The following FOCAD variants were observed in gnomAD, a reference collection of about 807,000 sequenced individuals.
FOCAD encodes the protein focadhesin.
Under a neutral mutation model 225.6 loss-of-function variants are expected in FOCAD, and 198 were observed. That is an observed-to-expected ratio of 0.88 (90% CI 0.78 to 0.99). The LOEUF (loss-of-function observed/expected upper bound fraction) is 0.99, where lower values mean the gene tolerates loss of function less well. Among genes scored for constraint, FOCAD ranks in the 50% least tolerant of loss-of-function variants. The pLI is 0.00. For synonymous variants in FOCAD, 897 were observed against 755.0 expected (o/e 1.19, Z -3.08); for missense variants, 2,713 against 2,123.6 (o/e 1.28, Z -5.46).
At chr9:20,974,228 T>C (rs202098434) in intron 35 of FOCAD, among the ~76,000 whole-genome samples, 3,009 of 107,882 alleles carry the variant, frequency 0.028, no homozygotes, top group East Asian at 0.049. Context: ...TTCTCCTTTT[T>C]CCTGTGCTTC....
At chr9:20,785,579 A>G (rs1216459368) in intron 10 of FOCAD, among the ~76,000 whole-genome samples, 8 of 152,138 alleles carry the variant, frequency 5.3e-5, no homozygotes, top group African/African-American at 1.9e-4. Context: ...AGCATGTGCC[A>G]TGTAGCAGTG....
At chr9:20,844,311 A>T (rs1191284617) in intron 15 of FOCAD, among the ~76,000 whole-genome samples, 1 of 148,648 alleles carries the variant, frequency 6.7e-6, no homozygotes, top group Non-Finnish European at 1.5e-5. Context: ...CTGTAATGAG[A>T]TAAAGGGCAG....
intron 15 of FOCAD, among the ~76,000 whole-genome samples, chr9:20,840,579 G>A (rs1372634745): frequency 6.8e-6 from 1 of 147,502 alleles, no homozygotes; most frequent in Non-Finnish European, 1.5e-5. Context: ...CTGTAGAAAT[G>A]CCACTGATTT....
chr9:20,757,218 C>T (rs983807547), intron 5 of FOCAD, among the ~76,000 whole-genome samples: 2 of 152,116 alleles, frequency 1.3e-5, no homozygotes, highest in East Asian at 1.9e-4. Flanking sequence ...CGTGAGCCAC[C>T]GCGTCCAGCC....
At chr9:20,740,146 T>G (rs1827489463) in intron 4 of FOCAD, 90 bp from the exon 5 acceptor site, 1 of 832,100 alleles carries the variant, frequency 1.2e-6, no homozygotes, top group East Asian at 2.6e-5. Context: ...GTGGCAAGTA[T>G]TAAAATTATT....
intron 15 of FOCAD, among the ~76,000 whole-genome samples, chr9:20,856,795 AT>A (rs1189192241): frequency 6.6e-6 from 1 of 152,042 alleles, no homozygotes; most frequent in Non-Finnish European, 1.5e-5. Context: ...GTCAAGTTTC[AT>A]TCTTCTGCAT....
At chr9:20,838,272 C>CT (rs761085808) in intron 15 of FOCAD, among the ~76,000 whole-genome samples, 3,289 of 142,614 alleles carry the variant, frequency 0.023, 57 homozygotes, top group African/African-American at 0.034. Context: ...CCACATAGGT[C>CT]TTTTTTTTTT....
chr9:20,826,314 G>A (rs938582826), intron 15 of FOCAD, among the ~76,000 whole-genome samples: 6 of 152,090 alleles, frequency 3.9e-5, no homozygotes, highest in Non-Finnish European at 7.4e-5. Context: ...GACTTGCTGA[G>A]TCTTCCAGTC....
chr9:20,986,265 A>ATTTT, intron 39 of FOCAD, 23 bp from the exon 40 acceptor site: 2 of 457,022 alleles, frequency 4.4e-6, no homozygotes, highest in Non-Finnish European at 5.7e-6. Flanking sequence ...GTAACTAAAC[A>ATTTT]ATTTTTTTTT....
chr9:20,836,124 A>G (rs1158256647), intron 15 of FOCAD, among the ~76,000 whole-genome samples: 3 of 152,176 alleles, frequency 2.0e-5, no homozygotes, highest in East Asian at 1.9e-4. Flanking sequence ...TTGGAGCACT[A>G]TGGGGTGGGA....
chr9:20,918,449 C>T (rs1035163536), intron 24 of FOCAD, among the ~76,000 whole-genome samples: 3 of 152,210 alleles, frequency 2.0e-5, no homozygotes, highest in African/African-American at 4.8e-5. Flanking sequence ...AGTGGCCGGG[C>T]GCGGTGGCTC....
chr9:20,849,852 C>G (rs138700685), intron 15 of FOCAD, among the ~76,000 whole-genome samples: 2 of 151,822 alleles, frequency 1.3e-5, no homozygotes, highest in African/African-American at 2.4e-5. Flanking sequence ...AAAAAGAAGG[C>G]CTATCTCTAC....
chr9:20,886,482 G>A (rs1361227395), intron 21 of FOCAD, among the ~76,000 whole-genome samples: 1 of 152,146 alleles, frequency 6.6e-6, no homozygotes. Flanking sequence ...GTCACCATCA[G>A]AACAGAAACA....
intron 15 of FOCAD, among the ~76,000 whole-genome samples, chr9:20,858,599 T>A (rs1031422562): frequency 6.6e-6 from 1 of 152,162 alleles, no homozygotes; most frequent in Non-Finnish European, 1.5e-5. Flanking sequence ...GTTCGTTTAT[T>A]TCTGCTCTGA....
At chr9:20,886,947 T>C (rs979132113) in intron 21 of FOCAD, among the ~76,000 whole-genome samples, 5 of 152,214 alleles carry the variant, frequency 3.3e-5, no homozygotes, top group African/African-American at 1.2e-4. Flanking sequence ...GTCACATAGC[T>C]AACAAGTAGA....
intron 5 of FOCAD, among the ~76,000 whole-genome samples, chr9:20,754,104 T>C (rs1828824549): frequency 6.6e-6 from 1 of 152,136 alleles, no homozygotes; most frequent in Non-Finnish European, 1.5e-5. Flanking sequence ...TTGTGGATCC[T>C]TTCATTTACC....
chr9:20,823,264 A>C (rs550706013), intron 15 of FOCAD, 149 bp downstream of exon 15: 31 of 850,538 alleles, frequency 3.6e-5, no homozygotes, highest in Non-Finnish European at 5.0e-5. Context: ...AGCAAGACCT[A>C]CTTTACAAAT....
At chr9:20,747,192 C>T (rs921210346) in intron 5 of FOCAD, among the ~76,000 whole-genome samples, 2 of 152,020 alleles carry the variant, frequency 1.3e-5, no homozygotes. Context: ...CCACCACTCC[C>T]TTTATGTTTA....
chr9:20,714,409 G>T (rs1007752420), intron 1 of FOCAD, among the ~76,000 whole-genome samples: 1 of 151,910 alleles, frequency 6.6e-6, no homozygotes, highest in African/African-American at 2.4e-5. Context: ...GTTAATCTAG[G>T]GCTGTTTATT....
Sources: allele counts gnomAD v4.1 joint callset (sites outside exome capture counted in the v4.1 genomes callset), GRCh38; gene constraint gnomAD v4.1.1; transcripts MANE v1.5; gene names NCBI Gene and HGNC (gene_info 2026-07-23, HGNC 2026-07-21).